The following PDSS2 variants were observed in gnomAD, a reference collection of about 807,000 sequenced individuals.
The protein encoded by PDSS2 is decaprenyl diphosphate synthase subunit 2.
A neutral mutation model predicts 44.5 loss-of-function variants in PDSS2; 31 were observed. That is an observed-to-expected ratio of 0.70 (90% CI 0.52 to 0.94). PDSS2 has a LOEUF of 0.94. Ranked by LOEUF, PDSS2 falls within the 40% of genes least tolerant of loss-of-function variation. PDSS2 has a pLI of 0.00. For synonymous variants in PDSS2, 157 were observed against 180.3 expected (o/e 0.87, Z 1.03); for missense variants, 452 against 482.2 (o/e 0.94, Z 0.59).
In PDSS2 at chr6:107,274,094, T is replaced by C. The variant is rs201682968; in HGVS notation, c.565A>G (p.Ile189Val). The C allele has an allele frequency of 4.3e-6, 7 of 1,613,884 alleles. No individual in the cohort carries two copies. The Admixed American group carries it at 5.0e-5, about 12-fold the overall frequency. The change falls in exon 3 of 8, where the codon ATC becomes GTC. Residue 189 changes from isoleucine to valine, a missense_variant. Transcript: ENST00000369037. ...GCTAGAAGAAAGTCTCCACTCAGGA[T>C]AGCAATTTTATTTCCAAATTGCATG... ...KDMQFGNKIAILSGDFLLANA... is the reference protein window; with the variant it reads ...KDMQFGNKIAVLSGDFLLANA...
At chr6:107,284,736 T>C (rs1400092178) in intron 2 of PDSS2, among the ~76,000 whole-genome samples, 4 of 152,304 alleles carry the variant, frequency 2.6e-5, no homozygotes, top group South Asian at 4.1e-4. Context: ...CTTTCAGACT[T>C]TGAAGTAAAT....
rs183782828 is a variant in PDSS2, at chr6:107,322,822, C to T, written c.431+11376G>A. On this transcript the variant is annotated intron_variant, in intron 2 of 7. Transcript: ENST00000369037. The stretch of plus-strand genomic sequence containing the variant: ...TGGGCAACAGAGGGAGACCCTGTCT[C>T]AAAAAACAAAAAACAAAAACCTTGA... 4.3e-4 allele frequency among the ~76,000 whole-genome samples: 66 copies of T among 151,756 alleles called. 1 individual carries two copies. The highest frequency in any genetic ancestry group is 1.4e-3 in the East Asian group (7 of 5,182).
chr6:107,239,360 T>C (rs531263191), intron 4 of PDSS2, among the ~76,000 whole-genome samples: 1 of 152,246 alleles, frequency 6.6e-6, no homozygotes, highest in African/African-American at 2.4e-5. Flanking sequence ...TAAATTACAG[T>C]ATAACAATGT....
At chr6:107,378,301 G>A (rs990017878) in intron 1 of PDSS2, among the ~76,000 whole-genome samples, 14 of 150,642 alleles carry the variant, frequency 9.3e-5, no homozygotes, top group African/African-American at 3.4e-4. Context: ...CACACGGGCT[G>A]AAAATGAAAA....
intron 1 of PDSS2, 113 bp from the exon 2 acceptor site, chr6:107,334,445 C>G (rs987301631): frequency 6.2e-6 from 6 of 973,494 alleles, no homozygotes; most frequent in Non-Finnish European, 9.7e-6. Flanking sequence ...ATGAGACTTA[C>G]TGAAAAGAAA....
chr6:107,391,900 G>A (rs928089695), intron 1 of PDSS2, among the ~76,000 whole-genome samples: 1 of 97,898 alleles, frequency 1.0e-5, no homozygotes, highest in Non-Finnish European at 2.9e-5. Context: ...AAAAATAAAA[G>A]GGGGGAAAAA....
intron 7 of PDSS2, among the ~76,000 whole-genome samples, chr6:107,186,860 A>T (rs1772188792): frequency 6.6e-6 from 1 of 152,206 alleles, no homozygotes; most frequent in Admixed American, 6.6e-5. Flanking sequence ...TTGAGTTTAC[A>T]AATACCTATC....
At chr6:107,198,909 T>C (rs144758512) in intron 6 of PDSS2, among the ~76,000 whole-genome samples, 31 of 152,192 alleles carry the variant, frequency 2.0e-4, no homozygotes, top group Non-Finnish European at 2.9e-4. Context: ...GGTGGGCAAA[T>C]TGATTAAGTC....
At chr6:107,269,182 A>G (rs1168848485) in intron 3 of PDSS2, among the ~76,000 whole-genome samples, 2 of 152,118 alleles carry the variant, frequency 1.3e-5, no homozygotes, top group African/African-American at 2.4e-5. Context: ...TCAACCTCCC[A>G]AAGTGCTGGG....
intron 2 of PDSS2, among the ~76,000 whole-genome samples, chr6:107,323,900 T>C (rs1777459388): frequency 6.6e-6 from 1 of 152,218 alleles, no homozygotes; most frequent in East Asian, 1.9e-4. Context: ...GGCAGGCTAA[T>C]CTATATCATG....
chr6:107,410,966 C>T (rs1476618996), intron 1 of PDSS2, among the ~76,000 whole-genome samples: 1 of 151,910 alleles, frequency 6.6e-6, no homozygotes, highest in Admixed American at 6.6e-5. Context: ...CTCACTGCAA[C>T]CTCTGCCCCC....
At chr6:107,315,384 G>C (rs1012884877) in intron 2 of PDSS2, among the ~76,000 whole-genome samples, 1 of 152,180 alleles carries the variant, frequency 6.6e-6, no homozygotes, top group Non-Finnish European at 1.5e-5. Context: ...GAGATCTTTT[G>C]AAGAGATTTC....
At chr6:107,227,066 G>A (rs1015168121) in intron 4 of PDSS2, among the ~76,000 whole-genome samples, 9 of 150,946 alleles carry the variant, frequency 6.0e-5, no homozygotes, top group African/African-American at 1.7e-4. Flanking sequence ...TGCAATCTCC[G>A]CCTCCTGGGT....
chr6:107,155,090 G>A (rs1264364735), intron 7 of PDSS2, among the ~76,000 whole-genome samples: 4 of 151,808 alleles, frequency 2.6e-5, no homozygotes, highest in East Asian at 1.9e-4. Context: ...GTAAGAAGGC[G>A]GAGGGCATTT....
chr6:107,272,360 C>G (rs891456890), intron 3 of PDSS2, among the ~76,000 whole-genome samples: 4 of 152,166 alleles, frequency 2.6e-5, no homozygotes, highest in African/African-American at 9.7e-5. Flanking sequence ...GTACACTGAT[C>G]CAACCTTCAA....
At chr6:107,209,349 T>C (rs1245487545) in intron 6 of PDSS2, among the ~76,000 whole-genome samples, 1 of 152,164 alleles carries the variant, frequency 6.6e-6, no homozygotes, top group Non-Finnish European at 1.5e-5. Flanking sequence ...GGAGGACTGC[T>C]CAGGGATATG....
intron 4 of PDSS2, among the ~76,000 whole-genome samples, chr6:107,213,422 T>A (rs1773297066): frequency 6.6e-6 from 1 of 151,772 alleles, no homozygotes; most frequent in Non-Finnish European, 1.5e-5. Flanking sequence ...AGTGCTGGAA[T>A]TACAGGCATG....
At chr6:107,338,468 T>C (rs1052921459) in intron 1 of PDSS2, among the ~76,000 whole-genome samples, 5 of 152,194 alleles carry the variant, frequency 3.3e-5, no homozygotes, top group African/African-American at 1.2e-4. Context: ...GTGGAGAATA[T>C]GATGAGGAGC....
intron 4 of PDSS2, among the ~76,000 whole-genome samples, chr6:107,215,217 G>C (rs956277237): frequency 4.6e-5 from 7 of 151,976 alleles, no homozygotes; most frequent in Non-Finnish European, 5.9e-5. Context: ...TTCTTGATGA[G>C]AAAAAATGTC....
Sources: allele counts gnomAD v4.1 joint callset (sites outside exome capture counted in the v4.1 genomes callset), GRCh38; gene constraint gnomAD v4.1.1; transcripts MANE v1.5; gene names NCBI Gene and HGNC (gene_info 2026-07-23, HGNC 2026-07-21).